CCDC88A: variants seen among roughly 807,000 people sequenced by gnomAD.
CCDC88A encodes girdin.
In CCDC88A, 54 loss-of-function variants were observed where a neutral mutation model predicts 234.3. The ratio of observed to expected loss-of-function variants is 0.23; its 90% CI spans 0.19 to 0.29. The LOEUF is 0.29. Ranked by LOEUF, CCDC88A falls within the 10% of genes least tolerant of loss-of-function variation. CCDC88A has a pLI of 1.00. For missense variants in CCDC88A, 1,832 were observed against 2,123.4 expected (o/e 0.86, Z 2.70); for synonymous variants, 753 against 737.8 (o/e 1.02, Z -0.33).
At chr2:55,399,545 G>T (rs1008468648) in intron 2 of CCDC88A, among the ~76,000 whole-genome samples, 3 of 137,988 alleles carry the variant, frequency 2.2e-5, no homozygotes, top group Non-Finnish European at 4.8e-5. Context: ...AAAAAAAAAA[G>T]TGGCACTCCA....
At position 55,339,921 on chromosome 2, in the gene CCDC88A, G is replaced by A. The variant is rs192757345; in HGVS notation, c.1334-273C>T. On this transcript the variant is annotated intron_variant, in intron 12 of 32. Transcript: ENST00000436346. ...CTCCTAGCTCACTGCAGCCTCAAAC[G>A]CCTGGTCTGAAGGGATCCTCCCACC... 2.9e-3 allele frequency: 703 copies of A among 244,898 alleles called. 2 individuals are homozygous for A. Among genetic ancestry groups the A allele is most frequent in the African/African-American group, 8.4e-3 (373 of 44,650 alleles). 15.2% of individuals were successfully genotyped at this position (244,898 alleles called of 1,614,324 possible). A position where few individuals can be genotyped will look rare whatever the true frequency, so the allele number is the denominator to read the frequency against.
chr2:55,316,604 G>A (rs1473088733), intron 21 of CCDC88A, among the ~76,000 whole-genome samples: 1 of 152,154 alleles, frequency 6.6e-6, no homozygotes, highest in Non-Finnish European at 1.5e-5. Context: ...GCATGGTGGT[G>A]TGTGCCAGCA....
intron 2 of CCDC88A, among the ~76,000 whole-genome samples, chr2:55,406,869 T>C (rs897151976): frequency 1.3e-5 from 2 of 152,198 alleles, no homozygotes; most frequent in Admixed American, 1.3e-4. Flanking sequence ...TTATCGATGA[T>C]AATGTGAAGT....
chr2:55,328,206 T>A lies in CCDC88A; in HGVS notation c.2997+88A>T. The stretch of plus-strand genomic sequence containing the variant: ...ATAGACTAAATATCAATAAAATGTT[T>A]ATATTTTTATTTTCTACTTTATATT... On this transcript the variant is annotated intron_variant, in intron 17 of 32. Coordinates refer to ENST00000436346, the MANE Select transcript of CCDC88A (RefSeq NM_001365480.1). The surrounding 1 kb of genome is among the most constrained non-coding windows in gnomAD (Gnocchi z 4.3). The A allele has an allele frequency of 1.0e-6, 1 of 999,922 alleles. No individual in the cohort carries two copies. Among genetic ancestry groups the A allele is most frequent in the South Asian group, 1.7e-5 (1 of 60,512 alleles). 61.9% of individuals were successfully genotyped at this position (999,922 alleles called of 1,614,324 possible).
chr2:55,321,340 C>T (rs1296627792), intron 18 of CCDC88A, among the ~76,000 whole-genome samples: 1 of 151,996 alleles, frequency 6.6e-6, no homozygotes, highest in Non-Finnish European at 1.5e-5. Context: ...ATCATGAGGT[C>T]AGGAGATTGA....
In CCDC88A at chr2:55,317,179, T is replaced by C. The variant is rs1317566612; in HGVS notation, c.3746+27A>G. The C allele has an allele frequency of 2.0e-6, 2 of 1,014,196 alleles. No homozygotes were observed. 62.8% of individuals were successfully genotyped at this position (1,014,196 alleles called of 1,614,324 possible). ...TGTATATACTTTCTATATAAAATGTTTGTTATATATAATATATATTTATTA... is the reference window on the plus strand; with the variant it reads ...TGTATATACTTTCTATATAAAATGTCTGTTATATATAATATATATTTATTA... On this transcript the variant is annotated intron_variant, in intron 21 of 32. Transcript: ENST00000436346. The surrounding 1 kb of genome is among the most constrained non-coding windows in gnomAD (Gnocchi z 4.2).
chr2:55,378,936 G>A (rs1674145216), intron 3 of CCDC88A, among the ~76,000 whole-genome samples: 1 of 151,950 alleles, frequency 6.6e-6, no homozygotes, highest in Admixed American at 6.6e-5. Context: ...AGTACAGAGG[G>A]GGTTTCATCA....
Position 55,374,886 on chromosome 2 carries a change from G to A in CCDC88A, c.274-3C>T, listed in dbSNP as rs746937032. On this transcript the variant is annotated splice_region_variant and splice_polypyrimidine_tract_variant and intron_variant, in intron 3 of 32. Transcript: ENST00000436346. ...ATGATCAATTGCTGCAAAGTCTCCT[G>A]TAAAAAAATATCCAACACTTGTTAT... is the stretch of plus-strand genomic sequence containing the variant. The A allele has an allele frequency of 7.5e-6, 12 of 1,594,522 alleles. No homozygotes were observed. In the South Asian group the frequency reaches 1.2e-4, roughly 16 times the overall value.
chr2:55,371,790 CT>C (rs1313397887), intron 5 of CCDC88A, among the ~76,000 whole-genome samples: 2 of 23,944 alleles, frequency 8.4e-5, no homozygotes, highest in African/African-American at 1.7e-4. Context: ...CTAGCCCACT[CT>C]ATAATTATTA....
At chr2:55,329,350 T>C (rs1348131718) in intron 16 of CCDC88A, 1 of 152,210 alleles carries the variant, frequency 6.6e-6, no homozygotes, top group Non-Finnish European at 1.5e-5. Flanking sequence ...AAACCTAAAG[T>C]ATGTATATGA....
intron 2 of CCDC88A, among the ~76,000 whole-genome samples, chr2:55,409,904 C>A (rs1030623628): frequency 1.3e-5 from 2 of 152,038 alleles, no homozygotes; most frequent in Non-Finnish European, 2.9e-5. Flanking sequence ...ACATGCCCTG[C>A]TAATTTTTGT....
intron 3 of CCDC88A, among the ~76,000 whole-genome samples, chr2:55,386,743 A>G (rs1166303417): frequency 2.0e-5 from 3 of 151,702 alleles, no homozygotes; most frequent in Non-Finnish European, 2.9e-5. Context: ...AAGTGCTGGG[A>G]TTACAGGTGT....
At chr2:55,392,798 T>G (rs1676860557) in intron 2 of CCDC88A, among the ~76,000 whole-genome samples, 1 of 152,186 alleles carries the variant, frequency 6.6e-6, no homozygotes, top group Non-Finnish European at 1.5e-5. Flanking sequence ...GAGCTTACAT[T>G]TCTCACTGAT....
intron 29 of CCDC88A, among the ~76,000 whole-genome samples, chr2:55,297,554 G>C (rs1297219217): frequency 6.7e-6 from 1 of 148,170 alleles, no homozygotes; most frequent in Non-Finnish European, 1.5e-5. Context: ...GGGATTACAG[G>C]CATGCGCCCC....
chr2:55,317,761 T>A lies in CCDC88A; in HGVS notation c.3405A>T (p.Leu1135Phe). Residue 1135 changes from leucine to phenylalanine, a missense_variant, in exon 20 of 33, where the codon TTA (leucine) becomes TTT (phenylalanine). Around this residue, in one of 6 missense-constraint regions of CCDC88A, gnomAD observed 1,282 missense variants for 1,543.6 expected, o/e 0.83. Transcript: ENST00000436346. This position sits in a 1 kb window ranked among gnomAD's most constrained non-coding sequence, Gnocchi z 4.2. Reference protein sequence around the residue: ...NAQLLIQQSSLENENESVIKE... With the variant: ...NAQLLIQQSSFENENESVIKE... ...TGATTACAGATTCATTTTCATTTTC[T>A]AAGGAAGACTGCTGGATTAGGAGTT... 6.2e-7 allele frequency: 1 copy of A among 1,613,354 alleles called. No homozygotes were observed. Among genetic ancestry groups the A allele is most frequent in the Non-Finnish European group, 8.5e-7 (1 of 1,179,472 alleles).
Position 55,303,113 on chromosome 2 carries a change from G to A in CCDC88A, c.4427C>T (p.Pro1476Leu), listed in dbSNP as rs974408059. 3.9e-6 allele frequency: 6 copies of A among 1,551,352 alleles called. No individual in the cohort carries two copies. Among genetic ancestry groups the A allele is most frequent in the East Asian group, 2.4e-5 (1 of 40,892 alleles). Residue 1476 changes from proline to leucine, a missense_variant, in exon 26 of 33, where the codon CCG (proline) becomes CTG (leucine). Coordinates refer to ENST00000436346, the MANE Select transcript of CCDC88A (RefSeq NM_001365480.1). ...GGCCTTCATTTTGTCTTTATCCTTC[G>A]GTCTGTTCCTCAAAAAGGGCAGTCT... The part of the protein sequence containing the change: ...LKRLPFLRNR[P>L]KDKDKMKACY...
At chr2:55,331,125 G>A (rs758175153) in intron 16 of CCDC88A, among the ~76,000 whole-genome samples, 3 of 152,096 alleles carry the variant, frequency 2.0e-5, no homozygotes, top group Non-Finnish European at 2.9e-5. Flanking sequence ...AGCACTACAG[G>A]GTGTATTCTA....
intron 2 of CCDC88A, among the ~76,000 whole-genome samples, chr2:55,412,692 C>G (rs1680694075): frequency 6.6e-6 from 1 of 152,038 alleles, no homozygotes; most frequent in Admixed American, 6.6e-5. Flanking sequence ...GGTTGGGGAC[C>G]GCTGGTCTTG....
intron 31 of CCDC88A, chr2:55,292,003 T>C (rs750975601): frequency 1.7e-5 from 5 of 295,416 alleles, no homozygotes; most frequent in Non-Finnish European, 1.2e-5. Context: ...ACTATAACAA[T>C]TACATTTCCC....
Sources: allele counts gnomAD v4.1 joint callset (sites outside exome capture counted in the v4.1 genomes callset), GRCh38; gene constraint gnomAD v4.1.1; regional missense constraint gnomAD v4.1.1; non-coding constraint Gnocchi (gnomAD v3.1); transcripts MANE v1.5; gene names NCBI Gene and HGNC (gene_info 2026-07-23, HGNC 2026-07-21).